NRXN3: variants seen among roughly 807,000 people sequenced by gnomAD.
The protein encoded by NRXN3 is neurexin 3.
NRXN3 carries 32 observed loss-of-function variants against 137.6 expected under a neutral mutation model. The ratio of observed to expected loss-of-function variants is 0.23; its 90% CI spans 0.18 to 0.31. The LOEUF is 0.31. Among genes scored for constraint, NRXN3 ranks in the 10% least tolerant of loss-of-function variants. The probability of loss-of-function intolerance (pLI) is 1.00; values close to 1 mark genes in which losing one functional copy is unlikely to be tolerated. For missense variants in NRXN3, 1,574 were observed against 2,062.5 expected, an observed-to-expected ratio of 0.76 and a Z score of 4.59; for synonymous variants, 798 against 784.5, an observed-to-expected ratio of 1.02 and a Z score of -0.29.
At chr14:78,358,779 G>A (rs553422298) in intron 4 of NRXN3, among the ~76,000 whole-genome samples, 2 of 152,232 alleles carry the variant, frequency 1.3e-5, no homozygotes, top group South Asian at 4.2e-4. Flanking sequence ...TGAGCATTCT[G>A]TTCAAAGATC....
At chr14:78,880,195 C>A (rs1217182376) in intron 10 of NRXN3, among the ~76,000 whole-genome samples, 1 of 136,714 alleles carries the variant, frequency 7.3e-6, no homozygotes, top group South Asian at 2.2e-4. Flanking sequence ...AGCCGAGATC[C>A]CGCCACTGCA....
At chr14:78,381,802 A>G (rs1370429778) in intron 4 of NRXN3, among the ~76,000 whole-genome samples, 1 of 152,248 alleles carries the variant, frequency 6.6e-6, no homozygotes, top group East Asian at 1.9e-4. Flanking sequence ...ATCCCCAGAT[A>G]ATTATACTGA....
chr14:79,387,881 C>G (rs994263908), intron 15 of NRXN3, among the ~76,000 whole-genome samples: 1 of 143,918 alleles, frequency 6.9e-6, no homozygotes, highest in African/African-American at 2.6e-5. Flanking sequence ...CATGTTCTCA[C>G]TCATAGGTGG....
intron 10 of NRXN3, among the ~76,000 whole-genome samples, chr14:78,850,704 A>G (rs1232399910): frequency 6.6e-6 from 1 of 152,142 alleles, no homozygotes; most frequent in African/African-American, 2.4e-5. Flanking sequence ...CAAAAATGTT[A>G]TAATTTAGAT....
intron 1 of NRXN3, among the ~76,000 whole-genome samples, chr14:78,176,788 T>A (rs1046637064): frequency 6.6e-6 from 1 of 152,066 alleles, no homozygotes; most frequent in Non-Finnish European, 1.5e-5. Flanking sequence ...GTATTGCAGC[T>A]GCTGCTGTGG....
intron 4 of NRXN3, among the ~76,000 whole-genome samples, chr14:78,438,576 G>A (rs909144544): frequency 6.6e-6 from 1 of 152,104 alleles, no homozygotes; most frequent in Admixed American, 6.6e-5. Flanking sequence ...CAGCCACTTA[G>A]CTGTACGACA....
chr14:79,554,198 C>T lies in NRXN3; in HGVS notation c.3444+86796C>T, dbSNP rs182887063. On this transcript the variant is annotated intron_variant, in intron 16 of 20. Coordinates refer to ENST00000335750, the MANE Select transcript of NRXN3 (RefSeq NM_001330195.2). The stretch of plus-strand genomic sequence containing the variant: ...TGGCTGGTCAGTTAGCCAAAGGACA[C>T]CGGAGGATTCCTGAAGGTCTGCATG... Among the ~76,000 whole-genome samples the T allele has an allele frequency of 2.6e-5, 4 of 152,134 alleles. No individual in the cohort carries two copies. In the East Asian group the frequency reaches 7.8e-4, roughly 29 times the overall value.
intron 16 of NRXN3, among the ~76,000 whole-genome samples, chr14:79,473,050 T>G (rs8012110): frequency 0.37 from 56,117 of 152,004 alleles, 11,249 homozygotes; most frequent in Middle Eastern, 0.51. Context: ...CAGTGAAAAT[T>G]TATGTGTTAA....
intron 4 of NRXN3, among the ~76,000 whole-genome samples, chr14:78,510,286 G>A (rs111307769): frequency 0.036 from 5,476 of 151,932 alleles, 292 homozygotes; most frequent in African/African-American, 0.12. Flanking sequence ...CATGTAGAAA[G>A]TACTTAATGA....
intron 8 of NRXN3, among the ~76,000 whole-genome samples, chr14:78,735,983 C>T (rs4903794): frequency 0.41 from 62,022 of 151,902 alleles, 13,827 homozygotes; most frequent in Admixed American, 0.49. Context: ...TTTATATGGC[C>T]GTTTCCTATC....
chr14:78,201,224 T>G (rs2153394289), intron 1 of NRXN3, among the ~76,000 whole-genome samples: 1 of 152,316 alleles, frequency 6.6e-6, no homozygotes, highest in Non-Finnish European at 1.5e-5. Context: ...AGGTGCCTCA[T>G]TAATAGGAAT....
intron 15 of NRXN3, among the ~76,000 whole-genome samples, chr14:79,139,035 T>C (rs368553315): frequency 1.3e-5 from 2 of 152,172 alleles, no homozygotes; most frequent in African/African-American, 4.8e-5. Context: ...TCAAAGTTCT[T>C]TTCATCCCTG....
intron 15 of NRXN3, among the ~76,000 whole-genome samples, chr14:79,411,966 C>T (rs2153516105): frequency 6.6e-6 from 1 of 152,178 alleles, no homozygotes; most frequent in South Asian, 2.1e-4. Context: ...CATCAAATGG[C>T]ATGTGATTGA....
intron 10 of NRXN3, among the ~76,000 whole-genome samples, chr14:78,823,477 C>T (rs2098957102): frequency 6.6e-6 from 1 of 152,218 alleles, no homozygotes; most frequent in African/African-American, 2.4e-5. Context: ...CCAGGCAGGT[C>T]TAGCTTTTTC....
At chr14:79,454,418 G>A (rs2096229496) in intron 15 of NRXN3, among the ~76,000 whole-genome samples, 1 of 152,028 alleles carries the variant, frequency 6.6e-6, no homozygotes, top group Non-Finnish European at 1.5e-5. Flanking sequence ...GTTTCTCCAT[G>A]TTGGTCAGGC....
At chr14:78,404,323 A>G (rs1175750291) in intron 4 of NRXN3, among the ~76,000 whole-genome samples, 3 of 151,738 alleles carry the variant, frequency 2.0e-5, no homozygotes, top group Non-Finnish European at 4.4e-5. Flanking sequence ...ATGAAATTGG[A>G]GGAGGCAGCT....
intron 15 of NRXN3, among the ~76,000 whole-genome samples, chr14:79,146,625 C>T (rs375919049): frequency 1.3e-5 from 2 of 152,162 alleles, no homozygotes; most frequent in South Asian, 2.1e-4. Flanking sequence ...GAGAAAAGAG[C>T]GTGCATCACA....
At chr14:79,049,506 G>A (rs924609302) in intron 15 of NRXN3, among the ~76,000 whole-genome samples, 7 of 152,102 alleles carry the variant, frequency 4.6e-5, no homozygotes, top group African/African-American at 7.2e-5. Context: ...AGCCATCTAC[G>A]GGGGTTGACA....
At chr14:79,553,968 A>G (rs1250394300) in intron 16 of NRXN3, among the ~76,000 whole-genome samples, 1 of 152,180 alleles carries the variant, frequency 6.6e-6, no homozygotes, top group Non-Finnish European at 1.5e-5. Context: ...TTAATTTATG[A>G]TGATGGAGTC....
Sources: allele counts gnomAD v4.1 joint callset (sites outside exome capture counted in the v4.1 genomes callset), GRCh38; gene constraint gnomAD v4.1.1; transcripts MANE v1.5; gene names NCBI Gene and HGNC (gene_info 2026-07-23, HGNC 2026-07-21).